The following GALNT13 variants were observed in gnomAD, a reference collection of about 807,000 sequenced individuals.
GALNT13 encodes the protein polypeptide N-acetylgalactosaminyltransferase 13.
A neutral mutation model predicts 64.2 loss-of-function variants in GALNT13; 28 were observed. The ratio of observed to expected loss-of-function variants is 0.44; its 90% CI spans 0.32 to 0.60. GALNT13 has a LOEUF of 0.60. Ranked by LOEUF, GALNT13 falls within the 20% of genes least tolerant of loss-of-function variation. GALNT13 has a pLI of 0.05. For synonymous variants in GALNT13, 214 were observed against 224.6 expected, an observed-to-expected ratio of 0.95 and a Z score of 0.42; for missense variants, 577 against 669.8, an observed-to-expected ratio of 0.86 and a Z score of 1.53.
chr2:153,709,508 G>T, the GALNT13 span, among the ~76,000 whole-genome samples: 1 of 152,068 alleles, frequency 6.6e-6, no homozygotes, highest in Admixed American at 6.6e-5. Context: ...TGGTCAGGAG[G>T]TGGAGGAAAG....
intron 7 of GALNT13, among the ~76,000 whole-genome samples, chr2:154,255,840 C>T (rs1254287417): frequency 6.6e-6 from 1 of 151,794 alleles, no homozygotes; most frequent in African/African-American, 2.4e-5. Flanking sequence ...TCATTTGAGC[C>T]CAGGAGTTCA....
chr2:154,431,743 T>C (rs1700719556), intron 11 of GALNT13, among the ~76,000 whole-genome samples: 1 of 152,188 alleles, frequency 6.6e-6, no homozygotes, highest in Non-Finnish European at 1.5e-5. Context: ...GATAATTGAA[T>C]CATGGGGGCA....
chr2:153,933,194 G>A (rs1378888600), intron 2 of GALNT13, among the ~76,000 whole-genome samples: 1 of 152,072 alleles, frequency 6.6e-6, no homozygotes, highest in African/African-American at 2.4e-5. Flanking sequence ...CTGCCTCAAT[G>A]ATCTGTCTAA....
At chr2:153,837,032 A>G in the GALNT13 span, among the ~76,000 whole-genome samples, 51 of 151,050 alleles carry the variant, frequency 3.4e-4, 1 homozygote, top group African/African-American at 1.1e-3. Context: ...CAGTAATGGG[A>G]TGGCTGGGTC....
chr2:154,345,335 A>G (rs1165878863), intron 9 of GALNT13, among the ~76,000 whole-genome samples: 3 of 152,022 alleles, frequency 2.0e-5, no homozygotes, highest in African/African-American at 4.8e-5. Flanking sequence ...AAATGGTTCA[A>G]CAGTTTTCCA....
chr2:153,294,414 A>G, the GALNT13 span, among the ~76,000 whole-genome samples: 4 of 152,276 alleles, frequency 2.6e-5, no homozygotes, highest in Admixed American at 2.6e-4. Flanking sequence ...TGCATCTATA[A>G]TCTCAGTGTG....
chr2:153,718,581 T>A, the GALNT13 span, among the ~76,000 whole-genome samples: 9 of 152,268 alleles, frequency 5.9e-5, no homozygotes, highest in African/African-American at 2.2e-4. Flanking sequence ...GGGCTTCTGG[T>A]GGCCCACAAG....
chr2:153,772,538 A>G, the GALNT13 span, among the ~76,000 whole-genome samples: 1 of 152,152 alleles, frequency 6.6e-6, no homozygotes, highest in Non-Finnish European at 1.5e-5. Flanking sequence ...GTTGCTCACT[A>G]TTCCAGTGAA....
At chr2:153,784,700 G>A in the GALNT13 span, among the ~76,000 whole-genome samples, 1 of 152,164 alleles carries the variant, frequency 6.6e-6, no homozygotes, top group Non-Finnish European at 1.5e-5. Flanking sequence ...CATACCCCTA[G>A]GGTTGAATCC....
the GALNT13 span, among the ~76,000 whole-genome samples, chr2:153,186,451 T>C: frequency 6.6e-6 from 1 of 152,180 alleles, no homozygotes; most frequent in Admixed American, 6.6e-5. Flanking sequence ...TAGCTCATGC[T>C]TATTTAAGCT....
chr2:153,935,930 A>G (rs1690879554), intron 2 of GALNT13, among the ~76,000 whole-genome samples: 3 of 152,184 alleles, frequency 2.0e-5, no homozygotes, highest in Non-Finnish European at 4.4e-5. Flanking sequence ...ACTTTGCTTT[A>G]CTTCTCTCCA....
chr2:153,773,636 C>T, the GALNT13 span, among the ~76,000 whole-genome samples: 1 of 152,014 alleles, frequency 6.6e-6, no homozygotes, highest in Admixed American at 6.6e-5. Flanking sequence ...ATGGTTGTCA[C>T]ATCATTTACA....
chr2:153,311,185 G>A, the GALNT13 span, among the ~76,000 whole-genome samples: 1 of 152,154 alleles, frequency 6.6e-6, no homozygotes, highest in Non-Finnish European at 1.5e-5. Context: ...TACAATCTTA[G>A]AAGTTCATAT....
At chr2:154,206,505 G>A (rs1230083154) in intron 4 of GALNT13, among the ~76,000 whole-genome samples, 3 of 151,828 alleles carry the variant, frequency 2.0e-5, no homozygotes, top group Non-Finnish European at 2.9e-5. Context: ...GGGTACAAGA[G>A]GAACGGGGGT....
chr2:153,157,989 A>G, the GALNT13 span, among the ~76,000 whole-genome samples: 4 of 152,178 alleles, frequency 2.6e-5, no homozygotes, highest in Non-Finnish European at 4.4e-5. Flanking sequence ...ATAGTTAAGA[A>G]AGTATTGAGA....
chr2:153,509,276 G>A, the GALNT13 span, among the ~76,000 whole-genome samples: 159 of 152,330 alleles, frequency 1.0e-3, 1 homozygote, highest in African/African-American at 3.4e-3. Flanking sequence ...CTGCAGCTGC[G>A]TCAGGGAGCT....
chr2:154,417,194 T>A (rs1479903027), intron 11 of GALNT13, among the ~76,000 whole-genome samples: 2 of 151,526 alleles, frequency 1.3e-5, no homozygotes, highest in Non-Finnish European at 2.9e-5. Context: ...AACTCCAGCC[T>A]GTCCCTATCT....
intron 8 of GALNT13, among the ~76,000 whole-genome samples, chr2:154,273,045 T>C (rs1691441137): frequency 6.6e-6 from 1 of 152,208 alleles, no homozygotes; most frequent in African/African-American, 2.4e-5. Flanking sequence ...TTCTTGGGCA[T>C]ACTCAGTCCC....
intron 9 of GALNT13, 61 bp from the exon 10 acceptor site, chr2:154,395,930 G>C (rs762769043): frequency 4.1e-6 from 6 of 1,449,348 alleles, no homozygotes; most frequent in Non-Finnish European, 5.5e-6. Flanking sequence ...AGTAAATGTA[G>C]TAAAACAGTA....
Sources: gnomAD v4.1 joint callset for allele counts (sites outside exome capture counted in the v4.1 genomes callset) on GRCh38, gnomAD v4.1.1 for gene constraint, MANE v1.5 for transcripts, NCBI Gene and HGNC (gene_info 2026-07-23, HGNC 2026-07-21) for gene names.